Variants in ZNF474 observed in about 807,000 individuals in gnomAD.
The protein encoded by ZNF474 is 4933409D10Rik.
For synonymous variants in ZNF474, 192 were observed against 162.2 expected (o/e 1.18, Z -1.39); for missense variants, 511 against 433.8 (o/e 1.18, Z -1.58).
intron 1 of ZNF474, 54 bp downstream of exon 1, chr5:122,129,737 T>A (rs545578787): frequency 2.9e-4 from 44 of 152,334 alleles, no homozygotes; most frequent in African/African-American, 1.0e-3. Flanking sequence ...GCATTCTCTG[T>A]TGTCTGGTAG....
chr5:122,134,076 T>C (rs1198658614), intron 1 of ZNF474, among the ~76,000 whole-genome samples: 1 of 152,200 alleles, frequency 6.6e-6, no homozygotes, highest in African/African-American at 2.4e-5. Flanking sequence ...GTGAAGAATG[T>C]GAACAATTCC....
At chr5:122,142,465 CA>C (rs1222153475) in intron 1 of ZNF474, among the ~76,000 whole-genome samples, 1 of 152,104 alleles carries the variant, frequency 6.6e-6, no homozygotes, top group African/African-American at 2.4e-5. Context: ...TGTTGAACCA[CA>C]AAAAAATTTA....
intron 1 of ZNF474, among the ~76,000 whole-genome samples, chr5:122,140,810 A>G (rs960020443): frequency 6.6e-6 from 1 of 152,162 alleles, no homozygotes; most frequent in African/African-American, 2.4e-5. Flanking sequence ...AATGAAATCT[A>G]CTTCTTTCTG....
Position 122,153,043 on chromosome 5 carries a change from A to T in ZNF474, c.1053A>T (p.Thr351=). 6.2e-7 allele frequency: 1 copy of T among 1,614,082 alleles called. No individual in the cohort carries two copies. Among genetic ancestry groups the T allele is most frequent in the Non-Finnish European group, 8.5e-7 (1 of 1,179,960 alleles). The change falls in exon 2 of 2, where the codon ACA becomes ACT. Residue 351 remains threonine (T), a synonymous_variant. Transcript: ENST00000296600. The stretch of plus-strand genomic sequence containing the variant: ...TAACTGATAAGGTAATTCATGCCAC[A>T]CAAGACGCATTAGGTGAACCTGGTG... ...PSVTDKVIHA[T]QDALGEPGGA...
intron 1 of ZNF474, among the ~76,000 whole-genome samples, chr5:122,140,579 T>G (rs1427550931): frequency 6.6e-6 from 1 of 152,158 alleles, no homozygotes; most frequent in East Asian, 1.9e-4. Context: ...CATAGTATGA[T>G]AAAACAAAAC....
intron 1 of ZNF474, among the ~76,000 whole-genome samples, chr5:122,134,271 A>T (rs932759491): frequency 6.6e-6 from 1 of 152,226 alleles, no homozygotes; most frequent in Non-Finnish European, 1.5e-5. Context: ...AAGTGCAAAT[A>T]GAAGGTCCCC....
At chr5:122,131,309 G>A (rs1755569852) in intron 1 of ZNF474, among the ~76,000 whole-genome samples, 1 of 151,708 alleles carries the variant, frequency 6.6e-6, no homozygotes, top group African/African-American at 2.4e-5. Flanking sequence ...CCCACTGCTG[G>A]GTATATATCC....
chr5:122,152,805 C>A lies in ZNF474; in HGVS notation c.815C>A (p.Ala272Glu). ...LPQKPQPLPN[A>E]QSSQAGPNQA... ...CAGAAGCCTCAGCCCCTTCCGAATGCACAGTCCAGCCAAGCGGGACCAAAT... is the reference window on the plus strand; with the variant it reads ...CAGAAGCCTCAGCCCCTTCCGAATGAACAGTCCAGCCAAGCGGGACCAAAT... The change falls in exon 2 of 2, where the codon GCA becomes GAA. Residue 272 changes from alanine (A) to glutamate (E), a missense_variant. Ala to Glu is a moderately radical substitution (Grantham distance 107). Transcript: ENST00000296600. 1 of 1,614,174 alleles carries A rather than the reference C, an allele frequency of 6.2e-7. No homozygotes were observed. Among genetic ancestry groups the A allele is most frequent in the Non-Finnish European group, 8.5e-7 (1 of 1,180,030 alleles).
chr5:122,135,381 C>G (rs1755676364), intron 1 of ZNF474, among the ~76,000 whole-genome samples: 1 of 152,084 alleles, frequency 6.6e-6, no homozygotes, highest in Admixed American at 6.6e-5. Flanking sequence ...GTCATGCAAA[C>G]AGTCTAAAAA....
chr5:122,151,677 GCA>G (rs752327390), intron 1 of ZNF474, 100 bp from the exon 2 acceptor site: 109 of 179,908 alleles, frequency 6.1e-4, no homozygotes, highest in East Asian at 1.6e-3. Context: ...CAAAAAAAAA[GCA>G]CACACACACA....
At position 122,153,391 on chromosome 5, in the gene ZNF474, AG is replaced by A. The variant is rs1261486335; in HGVS notation, c.*307del. ...CATTAATGCTGTGTCTACATTACAGAGATATAATTCCCATTCCAACAGCCAA... is the reference window on the plus strand; with the variant it reads ...CATTAATGCTGTGTCTACATTACAGAATATAATTCCCATTCCAACAGCCAA... On this transcript the variant is annotated 3_prime_UTR_variant, in exon 2 of 2. Coordinates refer to ENST00000296600, the MANE Select transcript of ZNF474 (RefSeq NM_207317.3). The A allele has an allele frequency of 1.3e-5, 4 of 305,878 alleles. No individual in the cohort carries two copies. Among genetic ancestry groups the A allele is most frequent in the Non-Finnish European group, 2.5e-5 (4 of 158,138 alleles). 18.9% of individuals were successfully genotyped at this position (305,878 alleles called of 1,614,324 possible). A position where few individuals can be genotyped will look rare whatever the true frequency, so the allele number is the denominator to read the frequency against.
At chr5:122,136,484 A>G (rs1434545434) in intron 1 of ZNF474, among the ~76,000 whole-genome samples, 1 of 152,166 alleles carries the variant, frequency 6.6e-6, no homozygotes, top group Non-Finnish European at 1.5e-5. Context: ...AGCTGCTCGT[A>G]TGGCTACCTT....
At chr5:122,148,478 G>A (rs983433429) in intron 1 of ZNF474, among the ~76,000 whole-genome samples, 12 of 152,166 alleles carry the variant, frequency 7.9e-5, no homozygotes, top group African/African-American at 2.7e-4. Flanking sequence ...CTAATCAAAT[G>A]GTGACATGGC....
intron 1 of ZNF474, among the ~76,000 whole-genome samples, chr5:122,138,947 C>T (rs574821815): frequency 1.3e-5 from 2 of 152,120 alleles, no homozygotes; most frequent in Admixed American, 6.6e-5. Context: ...TTGTGAAAGA[C>T]TTTTTCCATT....
At chr5:122,146,850 C>T (rs1580607033) in intron 1 of ZNF474, among the ~76,000 whole-genome samples, 1 of 152,290 alleles carries the variant, frequency 6.6e-6, no homozygotes, top group South Asian at 2.1e-4. Context: ...TCATCACATC[C>T]ATCTTCGAAG....
Position 122,152,868 on chromosome 5 carries a change from T to C in ZNF474, c.878T>C (p.Ile293Thr). Residue 293 changes from isoleucine to threonine, a missense_variant, in exon 2 of 2, where the codon ATC (isoleucine) becomes ACC (threonine). By Grantham distance (89) the Ile-to-Thr change is moderately conservative (BLOSUM62 -1). Coordinates refer to ENST00000296600, the MANE Select transcript of ZNF474 (RefSeq NM_207317.3). ...QLVFCPHCSRIFTSDRLLVHQ... is the reference protein window; with the variant it reads ...QLVFCPHCSRTFTSDRLLVHQ... ...GTGTTCTGCCCACATTGTAGCCGAA[T>C]CTTTACCTCAGACCGCCTCCTGGTA... is the stretch of plus-strand genomic sequence containing the variant. The C allele has an allele frequency of 6.2e-7, 1 of 1,614,138 alleles. No homozygotes were observed.
At chr5:122,150,498 C>G (rs113518783) in intron 1 of ZNF474, among the ~76,000 whole-genome samples, 1 of 152,162 alleles carries the variant, frequency 6.6e-6, no homozygotes, top group African/African-American at 2.4e-5. Context: ...GGACTGCTGG[C>G]CTTGCACTGT....
At chr5:122,133,176 T>C (rs777253597) in intron 1 of ZNF474, among the ~76,000 whole-genome samples, 1 of 152,248 alleles carries the variant, frequency 6.6e-6, no homozygotes, top group East Asian at 1.9e-4. Context: ...TTAATTTTTA[T>C]TTGTTAATTT....
chr5:122,138,790 G>GTGTGTA (rs1385900526), intron 1 of ZNF474, among the ~76,000 whole-genome samples: 12 of 152,196 alleles, frequency 7.9e-5, no homozygotes, highest in Admixed American at 5.9e-4. Context: ...GTATGTGTGT[G>GTGTGTA]TGTGTATGTG....
Sources: allele counts gnomAD v4.1 joint callset (sites outside exome capture counted in the v4.1 genomes callset), GRCh38; gene constraint gnomAD v4.1.1; transcripts MANE v1.5; gene names NCBI Gene and HGNC (gene_info 2026-07-23, HGNC 2026-07-21).